The following RTN4RL1 variants were observed in gnomAD, a reference collection of about 807,000 sequenced individuals.
The protein encoded by RTN4RL1 is reticulon-4 receptor-like 1.
A neutral mutation model predicts 25.6 loss-of-function variants in RTN4RL1; 7 were observed. The observed-to-expected ratio is 0.27, with a 90% CI of 0.16 to 0.51. The LOEUF (loss-of-function observed/expected upper bound fraction) is 0.51. RTN4RL1 is among the 20% of genes least tolerant of loss of function. The pLI, the probability that RTN4RL1 is intolerant of heterozygous loss-of-function variation, is 0.97. For missense variants in RTN4RL1, 500 were observed against 615.6 expected (o/e 0.81, Z 1.99); for synonymous variants, 297 against 288.2 (o/e 1.03, Z -0.31).
chr17:1,968,713 C>T (rs970503989), intron 1 of RTN4RL1, among the ~76,000 whole-genome samples: 9 of 152,084 alleles, frequency 5.9e-5, no homozygotes, highest in African/African-American at 2.2e-4. Flanking sequence ...TGAGGTCACC[C>T]GTCCCCTCTC....
intron 1 of RTN4RL1, among the ~76,000 whole-genome samples, chr17:2,010,476 C>A (rs1403873682): frequency 6.6e-6 from 1 of 151,948 alleles, no homozygotes; most frequent in African/African-American, 2.4e-5. Context: ...GACTCTGTCT[C>A]AATATATATA....
At chr17:1,971,984 A>C (rs1350811659) in intron 1 of RTN4RL1, among the ~76,000 whole-genome samples, 1 of 149,626 alleles carries the variant, frequency 6.7e-6, no homozygotes, top group East Asian at 2.0e-4. Context: ...AAAAAATTTT[A>C]AACATTAGCC....
At position 1,936,927 on chromosome 17, in the gene RTN4RL1, C is replaced by G. The variant is rs369588207; in HGVS notation, c.895G>C (p.Glu299Gln). Residue 299 changes from glutamate to glutamine, a missense_variant, in exon 2 of 2, where the codon GAG becomes CAG. By Grantham distance (29) the Glu-to-Gln change is conservative. Transcript: ENST00000331238. ...HGQDLKLLRA[E>Q]DFRNCTGPAS... ...GGTCCCGTGCAGTTCCGGAAGTCCT[C>G]GGCCCTCAGCAGCTTCAGGTCCTGG... 17 of 1,610,132 alleles carry G rather than the reference C, an allele frequency of 1.1e-5. No homozygotes were observed. The highest frequency in any genetic ancestry group is 1.4e-5 in the Non-Finnish European group (16 of 1,179,004).
At chr17:1,978,323 A>T (rs1184396894) in intron 1 of RTN4RL1, among the ~76,000 whole-genome samples, 1 of 152,252 alleles carries the variant, frequency 6.6e-6, no homozygotes, top group African/African-American at 2.4e-5. Context: ...GGGGAACCCA[A>T]GAATGGGGAC....
At position 2,009,741 on chromosome 17, in the gene RTN4RL1, C is replaced by T. The variant is rs756320890; in HGVS notation, c.13+15112G>A. 4.7e-5 allele frequency among the ~76,000 whole-genome samples: 6 copies of T among 127,946 alleles called. 2 individuals are homozygous for T. Among genetic ancestry groups the T allele is most frequent in the Admixed American group, 8.2e-5 (1 of 12,194 alleles). The allele number at this position is 127,946 out of a possible 152,430, so 83.9% of individuals were successfully genotyped here. A position where few individuals can be genotyped will look rare whatever the true frequency, so the allele number is the denominator to read the frequency against. The stretch of plus-strand genomic sequence containing the variant: ...CAGATCGGCCACTTCTCCTCCTGCC[C>T]GCTGCCATAGCTGTTGCCTTGGTCC... On this transcript the variant is annotated intron_variant, in intron 1 of 1. Coordinates refer to ENST00000331238, the MANE Select transcript of RTN4RL1 (RefSeq NM_178568.4).
At chr17:2,019,806 A>G (rs1247580216) in intron 1 of RTN4RL1, 1 of 152,254 alleles carries the variant, frequency 6.6e-6, no homozygotes, top group Non-Finnish European at 1.5e-5. Flanking sequence ...GTTTCCCTGT[A>G]GAAAATGGAC....
At chr17:1,939,078 A>T (rs75520437) in intron 1 of RTN4RL1, among the ~76,000 whole-genome samples, 35 of 148,254 alleles carry the variant, frequency 2.4e-4, no homozygotes, top group South Asian at 4.2e-4. Flanking sequence ...AAAGGCCGGG[A>T]GCAGTGGCTC....
Position 1,950,934 on chromosome 17 carries a change from G to A in RTN4RL1, c.14-13126C>T, listed in dbSNP as rs563717117. On this transcript the variant is annotated intron_variant, in intron 1 of 1. Transcript: ENST00000331238. ...TCTCTGTCTCTCTTTCTCTGTGTGT[G>A]AAAGGAAGTTTGTTAAGAAAGTAAA... is the stretch of plus-strand genomic sequence containing the variant. 2.0e-5 allele frequency among the ~76,000 whole-genome samples: 3 copies of A among 149,622 alleles called. No homozygotes were observed. In the South Asian group the frequency reaches 6.4e-4, roughly 32 times the overall value.
At chr17:1,951,107 T>C (rs966224383) in intron 1 of RTN4RL1, among the ~76,000 whole-genome samples, 1 of 150,710 alleles carries the variant, frequency 6.6e-6, no homozygotes, top group East Asian at 2.0e-4. Context: ...CTACTAAAAA[T>C]ACAAAAAATT....
At chr17:1,985,119 A>G (rs984629093) in intron 1 of RTN4RL1, among the ~76,000 whole-genome samples, 1 of 152,226 alleles carries the variant, frequency 6.6e-6, no homozygotes, top group African/African-American at 2.4e-5. Context: ...TTAACTGATC[A>G]TGAAACTCTC....
At chr17:1,965,874 T>C (rs1166351348) in intron 1 of RTN4RL1, among the ~76,000 whole-genome samples, 1 of 152,176 alleles carries the variant, frequency 6.6e-6, no homozygotes, top group Admixed American at 6.5e-5. Context: ...GTGAGGACTA[T>C]GGCTTCTGCC....
chr17:1,968,624 G>A (rs1028354781), intron 1 of RTN4RL1, among the ~76,000 whole-genome samples: 4 of 152,148 alleles, frequency 2.6e-5, no homozygotes, highest in African/African-American at 9.7e-5. Context: ...CATGTGCCAT[G>A]TTCCCTCCCA....
At chr17:2,024,143 C>T (rs1481445149) in intron 1 of RTN4RL1, among the ~76,000 whole-genome samples, 1 of 152,194 alleles carries the variant, frequency 6.6e-6, no homozygotes, top group Non-Finnish European at 1.5e-5. Flanking sequence ...CGTACCGGGC[C>T]GGGCTGCTGG....
At chr17:1,993,250 AAAAAGAAAAG>A (rs886214950) in intron 1 of RTN4RL1, among the ~76,000 whole-genome samples, 14 of 152,152 alleles carry the variant, frequency 9.2e-5, no homozygotes, top group South Asian at 8.3e-4. Flanking sequence ...TCTGTCTCAA[AAAAAGAAAAG>A]AAAAGAAAAG....
At chr17:2,015,237 G>A (rs1486201398) in intron 1 of RTN4RL1, among the ~76,000 whole-genome samples, 2 of 152,168 alleles carry the variant, frequency 1.3e-5, no homozygotes, top group African/African-American at 2.4e-5. Flanking sequence ...CTCTTGGGCT[G>A]GGGGTGGCTG....
rs62066904 is a variant in RTN4RL1, at chr17:2,021,708, G to C, written c.13+3145C>G. ...GAGCTGGGATTACAGGCATGAACCA[G>C]CACGCCCGGCTAATTTTTGTATTTT... On this transcript the variant is annotated intron_variant, in intron 1 of 1. Transcript: ENST00000331238. Among the ~76,000 whole-genome samples the C allele has an allele frequency of 3.3e-3, 494 of 151,700 alleles. 2 individuals are homozygous for C. The highest frequency in any genetic ancestry group is 4.3e-3 in the Non-Finnish European group (291 of 67,880).
chr17:2,023,931 G>A (rs1339533092), intron 1 of RTN4RL1, among the ~76,000 whole-genome samples: 1 of 152,130 alleles, frequency 6.6e-6, no homozygotes, highest in Non-Finnish European at 1.5e-5. Flanking sequence ...AGGCGCGGGG[G>A]GGATCCCGGC....
chr17:2,007,126 G>A (rs957450804), intron 1 of RTN4RL1, among the ~76,000 whole-genome samples: 3 of 151,972 alleles, frequency 2.0e-5, no homozygotes, highest in Non-Finnish European at 2.9e-5. Flanking sequence ...TTCTGGTGCC[G>A]CAGTTGAAAG....
intron 1 of RTN4RL1, among the ~76,000 whole-genome samples, chr17:1,952,782 C>T (rs2151307735): frequency 6.6e-6 from 1 of 151,972 alleles, no homozygotes; most frequent in African/African-American, 2.4e-5. Flanking sequence ...GAGTCTTTGT[C>T]TACTTCACTG....
Sources: gnomAD v4.1 joint callset for allele counts (sites outside exome capture counted in the v4.1 genomes callset) on GRCh38, gnomAD v4.1.1 for gene constraint, MANE v1.5 for transcripts, NCBI Gene and HGNC (gene_info 2026-07-23, HGNC 2026-07-21) for gene names.